FAM168A: variants seen among roughly 807,000 people sequenced by gnomAD.
FAM168A encodes the protein family with sequence similarity 168 member A, also known as protein FAM168A.
FAM168A carries 3 observed loss-of-function variants against 28.5 expected under a neutral mutation model. That is an observed-to-expected ratio of 0.11 (90% CI 0.05 to 0.27). FAM168A has a LOEUF of 0.27. Among genes scored for constraint, FAM168A ranks in the 10% least tolerant of loss-of-function variants. The pLI is 1.00. For missense variants in FAM168A, 222 were observed against 311.5 expected (o/e 0.71, Z 2.16); for synonymous variants, 122 against 124.2 (o/e 0.98, Z 0.12).
chr11:73,499,311 G>GCAA (rs1486326118), intron 1 of FAM168A, among the ~76,000 whole-genome samples: 1 of 151,938 alleles, frequency 6.6e-6, no homozygotes, highest in Non-Finnish European at 1.5e-5. Flanking sequence ...CAAGCAGAAA[G>GCAA]CAACAACAAC....
chr11:73,500,089 C>A (rs1249595531), intron 1 of FAM168A, among the ~76,000 whole-genome samples: 2 of 151,962 alleles, frequency 1.3e-5, no homozygotes, highest in African/African-American at 4.8e-5. Flanking sequence ...TCCAAGGTCA[C>A]AATGAAGGAA....
chr11:73,490,356 T>C (rs995604461), intron 1 of FAM168A, among the ~76,000 whole-genome samples: 2 of 152,222 alleles, frequency 1.3e-5, no homozygotes, highest in Non-Finnish European at 2.9e-5. Context: ...AGAGTGGCTC[T>C]CTGAAAACAT....
At chr11:73,464,067 G>C (rs1232987951) in intron 2 of FAM168A, among the ~76,000 whole-genome samples, 1 of 152,070 alleles carries the variant, frequency 6.6e-6, no homozygotes, top group Non-Finnish European at 1.5e-5. Flanking sequence ...AGCCATGTAT[G>C]CTAGAGCCCT....
chr11:73,548,196 T>C (rs972702061), intron 1 of FAM168A, among the ~76,000 whole-genome samples: 7 of 152,164 alleles, frequency 4.6e-5, no homozygotes, highest in African/African-American at 1.4e-4. Flanking sequence ...TACTAAACTA[T>C]ACACTTAAAA....
intron 1 of FAM168A, among the ~76,000 whole-genome samples, chr11:73,513,175 T>C (rs1425114713): frequency 6.6e-6 from 1 of 151,810 alleles, no homozygotes; most frequent in Non-Finnish European, 1.5e-5. Flanking sequence ...CATGTCTCAC[T>C]TCCAGGTCAA....
intron 1 of FAM168A, among the ~76,000 whole-genome samples, chr11:73,559,448 T>C (rs1444099991): frequency 6.6e-6 from 1 of 150,378 alleles, no homozygotes; most frequent in African/African-American, 2.4e-5. Context: ...AGTGAAACTG[T>C]CTCAAAAAAA....
rs116787801 is a variant in FAM168A at position 73,461,543 on chromosome 11, C to T, written c.70+6862G>A. The stretch of plus-strand genomic sequence containing the variant: ...CTAAATAAAAACATAATACCAGCCA[C>T]CAGATGGACTGAGAATATAGATAAA... On this transcript the variant is annotated intron_variant, in intron 2 of 7. Coordinates refer to ENST00000356467, the MANE Select transcript of FAM168A (RefSeq NM_015159.3). Among the ~76,000 whole-genome samples the T allele has an allele frequency of 4.6e-3, 695 of 152,266 alleles. 6 individuals are homozygous for T. The highest frequency in any genetic ancestry group is 0.016 in the African/African-American group (663 of 41,556).
chr11:73,519,094 A>T (rs2134648187), intron 1 of FAM168A, among the ~76,000 whole-genome samples: 1 of 152,314 alleles, frequency 6.6e-6, no homozygotes, highest in Middle Eastern at 3.4e-3. Context: ...GTATTCCTTT[A>T]TAGCAACACA....
At chr11:73,538,190 C>T (rs1943606317) in intron 1 of FAM168A, among the ~76,000 whole-genome samples, 1 of 152,102 alleles carries the variant, frequency 6.6e-6, no homozygotes, top group Non-Finnish European at 1.5e-5. Flanking sequence ...TTATTTTATT[C>T]ATTACTAAAT....
chr11:73,498,976 T>TC (rs1276599843), intron 1 of FAM168A, among the ~76,000 whole-genome samples: 1 of 151,972 alleles, frequency 6.6e-6, no homozygotes, highest in African/African-American at 2.4e-5. Flanking sequence ...TGAGTGGGTA[T>TC]CCCCCCAGCG....
rs763292087 is a variant in FAM168A, at chr11:73,403,425, G to A, written c.*3338C>T. 1 of 152,258 alleles carries A rather than the reference G, an allele frequency of 6.6e-6. No individual in the cohort carries two copies. The highest frequency in any genetic ancestry group is 2.4e-5 in the African/African-American group (1 of 41,434). The allele number at this position is 152,258 out of a possible 1,614,324, so 9.4% of individuals were successfully genotyped here. On this transcript the variant is annotated 3_prime_UTR_variant, in exon 8 of 8. Transcript: ENST00000356467. ...TGTACCCCTGATCCTGGCCATAGGTGTTGCACTTGGGGAGAGGCAGTGGCA... is the reference window on the plus strand; with the variant it reads ...TGTACCCCTGATCCTGGCCATAGGTATTGCACTTGGGGAGAGGCAGTGGCA...
At chr11:73,458,600 T>C (rs776272328) in intron 2 of FAM168A, among the ~76,000 whole-genome samples, 2 of 151,688 alleles carry the variant, frequency 1.3e-5, no homozygotes, top group Non-Finnish European at 2.9e-5. Flanking sequence ...AGTGTTCTAA[T>C]AGAAATTTCT....
At chr11:73,521,452 G>A (rs1943374890) in intron 1 of FAM168A, among the ~76,000 whole-genome samples, 1 of 151,892 alleles carries the variant, frequency 6.6e-6, no homozygotes, top group South Asian at 2.1e-4. Flanking sequence ...AAGGGTGGAA[G>A]GAGATTAGAA....
At chr11:73,428,959 C>G (rs1257370025) in intron 3 of FAM168A, among the ~76,000 whole-genome samples, 1 of 152,032 alleles carries the variant, frequency 6.6e-6, no homozygotes, top group African/African-American at 2.4e-5. Flanking sequence ...ATGTAAGCAC[C>G]TTAGGGGATA....
intron 2 of FAM168A, among the ~76,000 whole-genome samples, chr11:73,457,426 G>A (rs1435207261): frequency 6.6e-6 from 1 of 151,300 alleles, no homozygotes; most frequent in African/African-American, 2.4e-5. Flanking sequence ...GAAATTTAGG[G>A]GTTACCAGGG....
chr11:73,474,367 T>C (rs1392539937), intron 1 of FAM168A, among the ~76,000 whole-genome samples: 2 of 152,078 alleles, frequency 1.3e-5, no homozygotes, highest in Non-Finnish European at 2.9e-5. Flanking sequence ...TACTGTGTTG[T>C]TCAGGCTGGA....
chr11:73,545,009 T>TATATATA (rs1943723591), intron 1 of FAM168A, among the ~76,000 whole-genome samples: 1 of 67,346 alleles, frequency 1.5e-5, no homozygotes, highest in African/African-American at 1.2e-4. Flanking sequence ...TATAATATAC[T>TATATATA]ATATATATAG....
At chr11:73,495,720 G>C (rs1854861056) in intron 1 of FAM168A, among the ~76,000 whole-genome samples, 1 of 152,108 alleles carries the variant, frequency 6.6e-6, no homozygotes, top group Non-Finnish European at 1.5e-5. Context: ...ACTACACCAA[G>C]ATACCACCTC....
intron 1 of FAM168A, among the ~76,000 whole-genome samples, chr11:73,560,256 G>T (rs563799621): frequency 1.3e-5 from 2 of 151,858 alleles, no homozygotes; most frequent in African/African-American, 2.4e-5. Context: ...AAGAGATGGG[G>T]TCTCACTATG....
Sources: allele counts gnomAD v4.1 joint callset (sites outside exome capture counted in the v4.1 genomes callset), GRCh38; gene constraint gnomAD v4.1.1; transcripts MANE v1.5; gene names NCBI Gene and HGNC (gene_info 2026-07-23, HGNC 2026-07-21).